The following ZNF438 variants were observed in gnomAD, a reference collection of about 807,000 sequenced individuals.
ZNF438 encodes the protein zinc finger protein 438.
A neutral mutation model predicts 38.0 loss-of-function variants in ZNF438; 25 were observed. The ratio of observed to expected loss-of-function variants is 0.66; its 90% CI spans 0.48 to 0.92. The LOEUF (loss-of-function observed/expected upper bound fraction) is 0.92, where lower values mean the gene tolerates loss of function less well. Among genes scored for constraint, ZNF438 ranks in the 40% least tolerant of loss-of-function variants. ZNF438 has a pLI of 0.00. For synonymous variants in ZNF438, 372 were observed against 364.1 expected (o/e 1.02, Z -0.25); for missense variants, 1,007 against 999.6 (o/e 1.01, Z -0.10).
chr10:30,860,846 G>C (rs1481174734), intron 4 of ZNF438, among the ~76,000 whole-genome samples: 2 of 152,192 alleles, frequency 1.3e-5, no homozygotes, highest in South Asian at 2.1e-4. Flanking sequence ...AGGGAAGAAA[G>C]CAACTACCCT....
intron 1 of ZNF438, among the ~76,000 whole-genome samples, chr10:31,005,320 T>C (rs929624364): frequency 2.6e-5 from 4 of 152,228 alleles, no homozygotes; most frequent in Non-Finnish European, 4.4e-5. Context: ...AATGGAATAT[T>C]ATTCAGCTTT....
At chr10:30,938,633 A>G (rs1316569485) in intron 2 of ZNF438, among the ~76,000 whole-genome samples, 1 of 152,150 alleles carries the variant, frequency 6.6e-6, no homozygotes, top group Non-Finnish European at 1.5e-5. Context: ...CCTTACAACC[A>G]TGGGGATATG....
chr10:30,921,917 C>T (rs961699655), intron 2 of ZNF438, among the ~76,000 whole-genome samples: 3 of 152,138 alleles, frequency 2.0e-5, no homozygotes, highest in Admixed American at 6.6e-5. Context: ...AAATGCATAC[C>T]TCCTGGGATG....
chr10:31,005,888 G>T (rs912495932), intron 1 of ZNF438, among the ~76,000 whole-genome samples: 3 of 152,328 alleles, frequency 2.0e-5, no homozygotes, highest in Non-Finnish European at 2.9e-5. Context: ...ATAAATAACA[G>T]ATCTGGGTTA....
intron 4 of ZNF438, among the ~76,000 whole-genome samples, chr10:30,868,221 C>G (rs992706453): frequency 2.0e-5 from 3 of 152,080 alleles, no homozygotes; most frequent in Non-Finnish European, 2.9e-5. Context: ...AGGTGCCCGC[C>G]ACCCCACCCA....
intron 2 of ZNF438, among the ~76,000 whole-genome samples, chr10:30,915,797 T>C (rs547412398): frequency 1.3e-5 from 2 of 152,196 alleles, no homozygotes; most frequent in African/African-American, 2.4e-5. Flanking sequence ...GGTAAATTCA[T>C]TGATGGGTCA....
At chr10:31,002,114 C>A (rs1025330830) in intron 1 of ZNF438, among the ~76,000 whole-genome samples, 2 of 152,194 alleles carry the variant, frequency 1.3e-5, no homozygotes, top group African/African-American at 4.8e-5. Context: ...ACACATAAGA[C>A]TGAATGGGTC....
intron 1 of ZNF438, among the ~76,000 whole-genome samples, chr10:31,030,671 G>A (rs766657539): frequency 1.1e-4 from 16 of 152,158 alleles, no homozygotes; most frequent in Non-Finnish European, 2.2e-4. Context: ...TGGATGAAAA[G>A]ATATCACACT....
intron 3 of ZNF438, among the ~76,000 whole-genome samples, chr10:30,886,308 T>C (rs1456458688): frequency 6.6e-6 from 1 of 152,216 alleles, no homozygotes; most frequent in Non-Finnish European, 1.5e-5. Flanking sequence ...CTTGTAATTC[T>C]TAAGTATTCA....
chr10:30,862,773 C>T (rs746498009), intron 4 of ZNF438, among the ~76,000 whole-genome samples: 1 of 152,154 alleles, frequency 6.6e-6, no homozygotes, highest in African/African-American at 2.4e-5. Context: ...ATGCAAAAGG[C>T]TGGAAGTTTC....
chr10:30,904,413 G>A (rs2042368947), intron 3 of ZNF438, among the ~76,000 whole-genome samples: 1 of 152,050 alleles, frequency 6.6e-6, no homozygotes, highest in Non-Finnish European at 1.5e-5. Context: ...CTTCAGATAT[G>A]TCCCCTTTTC....
At chr10:30,875,409 T>C in intron 4 of ZNF438, 1 of 981,804 alleles carries the variant, frequency 1.0e-6, no homozygotes, top group Non-Finnish European at 1.2e-6. Context: ...CAAAATAACT[T>C]TGCCTGGGGT....
At chr10:30,970,109 C>CAT (rs2050577788) in intron 1 of ZNF438, among the ~76,000 whole-genome samples, 1 of 35,480 alleles carries the variant, frequency 2.8e-5, no homozygotes, top group Non-Finnish European at 6.4e-5. Context: ...GGCTGATACA[C>CAT]ACACACACAC....
chr10:30,908,566 G>A (rs921355998), intron 3 of ZNF438, among the ~76,000 whole-genome samples: 1 of 152,172 alleles, frequency 6.6e-6, no homozygotes, highest in Non-Finnish European at 1.5e-5. Context: ...TCCAAGGAGA[G>A]CAAGGTAGGA....
At chr10:30,886,619 A>G (rs1295700211) in intron 3 of ZNF438, among the ~76,000 whole-genome samples, 5 of 152,220 alleles carry the variant, frequency 3.3e-5, no homozygotes, top group Admixed American at 3.3e-4. Context: ...CTGTTTTATA[A>G]TAAAGTGTTG....
intron 1 of ZNF438, among the ~76,000 whole-genome samples, chr10:31,023,279 C>G (rs1055595722): frequency 6.6e-6 from 1 of 152,120 alleles, no homozygotes; most frequent in Non-Finnish European, 1.5e-5. Context: ...AATTCGGCAT[C>G]TATCAAGACT....
chr10:31,025,286 A>C (rs2056868591), intron 1 of ZNF438, among the ~76,000 whole-genome samples: 1 of 152,254 alleles, frequency 6.6e-6, no homozygotes, highest in Admixed American at 6.5e-5. Context: ...TGTTGTTGAG[A>C]AGTTGTCTTG....
At chr10:30,934,825 G>A (rs2046067662) in intron 2 of ZNF438, among the ~76,000 whole-genome samples, 1 of 152,192 alleles carries the variant, frequency 6.6e-6, no homozygotes, top group African/African-American at 2.4e-5. Context: ...CTTCTGGCAA[G>A]TGAAAACAGG....
intron 3 of ZNF438, among the ~76,000 whole-genome samples, chr10:30,902,173 C>T (rs947359826): frequency 7.2e-5 from 11 of 152,172 alleles, no homozygotes; most frequent in African/African-American, 2.4e-4. Flanking sequence ...CTTTTATTCT[C>T]TTATCTGGCC....
Sources: gnomAD v4.1 joint callset for allele counts (sites outside exome capture counted in the v4.1 genomes callset) on GRCh38, gnomAD v4.1.1 for gene constraint, MANE v1.5 for transcripts, NCBI Gene and HGNC (gene_info 2026-07-23, HGNC 2026-07-21) for gene names.